SOBP: variants seen among roughly 807,000 people sequenced by gnomAD.
SOBP encodes the protein sine oculis-binding protein homolog.
A neutral mutation model predicts 53.6 loss-of-function variants in SOBP; 4 were observed. That is an observed-to-expected ratio of 0.07 (90% CI 0.04 to 0.17). The LOEUF (loss-of-function observed/expected upper bound fraction) is 0.17, where lower values mean the gene tolerates loss of function less well. Among genes scored for constraint, SOBP ranks in the 10% least tolerant of loss-of-function variants. The probability of loss-of-function intolerance (pLI) is 1.00; values close to 1 mark genes in which losing one functional copy is unlikely to be tolerated. For synonymous variants in SOBP, 584 were observed against 522.6 expected, an observed-to-expected ratio of 1.12 and a Z score of -1.60; for missense variants, 1,088 against 1,204.7, an observed-to-expected ratio of 0.90 and a Z score of 1.43.
rs1250302013 is a variant in SOBP, at chr6:107,634,734, C to T, written c.1890C>T (p.Pro630=). The change falls in exon 6 of 7, where the codon CCC becomes CCT. Residue 630 remains proline (P), a synonymous_variant. Coordinates refer to ENST00000317357, the MANE Select transcript of SOBP (RefSeq NM_018013.4). This position sits in a 1 kb window ranked among gnomAD's most constrained non-coding sequence, Gnocchi z 4.5. ...ACCTGACGCGGCGCGCCGGCAGCCC[C>T]CCGGGCCCCCCGGGCGCGGGCGGCC... ...VVDLTRRAGS[P]PGPPGAGGQL... 6.7e-6 allele frequency: 9 copies of T among 1,337,516 alleles called. No homozygotes were observed. The highest frequency in any genetic ancestry group is 7.6e-6 in the Non-Finnish European group (8 of 1,052,618). The allele number at this position is 1,337,516 out of a possible 1,614,324, so 82.9% of individuals were successfully genotyped here.
intron 5 of SOBP, among the ~76,000 whole-genome samples, chr6:107,600,172 T>C (rs1786125409): frequency 6.6e-6 from 1 of 152,256 alleles, no homozygotes; most frequent in Non-Finnish European, 1.5e-5. Context: ...GCTTTAGTTA[T>C]GCTTTCTAAA....
At chr6:107,533,271 C>CAAA (rs762864049) in intron 3 of SOBP, among the ~76,000 whole-genome samples, 188 bp from the exon 4 acceptor site, 421 of 32,756 alleles carry the variant, frequency 0.013, 19 homozygotes, top group Non-Finnish European at 0.019. Context: ...ACTTAGGAGC[C>CAAA]AAAAAAAAAA....
At chr6:107,503,556 C>G (rs1490076471) in intron 1 of SOBP, 101 bp from the exon 2 acceptor site, 38 of 1,297,940 alleles carry the variant, frequency 2.9e-5, no homozygotes, top group Non-Finnish European at 4.1e-5. Context: ...TGAGGCAGGG[C>G]TGCAAATAAA....
chr6:107,490,919 A>AG (rs917562978), intron 1 of SOBP, among the ~76,000 whole-genome samples: 1 of 152,002 alleles, frequency 6.6e-6, no homozygotes, highest in Non-Finnish European at 1.5e-5. Context: ...AGATTTGATG[A>AG]GGGGGGACCA....
At chr6:107,633,193 A>G (rs1166998421) in intron 5 of SOBP, among the ~76,000 whole-genome samples, 1 of 152,216 alleles carries the variant, frequency 6.6e-6, no homozygotes, top group East Asian at 1.9e-4. Flanking sequence ...ACAAGTGAAA[A>G]TGTGTGGGCA....
chr6:107,635,692 A>G lies in SOBP; in HGVS notation c.*3+223A>G, dbSNP rs530208038. ...ACAGCCGAGGAAACTGAGCCACAGC[A>G]TGTGAGTGCCAAGCCCCGGGTCACT... On this transcript the variant is annotated intron_variant, in intron 6 of 6. Coordinates refer to ENST00000317357, the MANE Select transcript of SOBP (RefSeq NM_018013.4). This position sits in a 1 kb window ranked among gnomAD's most constrained non-coding sequence, Gnocchi z 4.5. Among the ~76,000 whole-genome samples, 5 of 152,302 alleles carry G rather than the reference A, an allele frequency of 3.3e-5. No individual in the cohort carries two copies. Among genetic ancestry groups the G allele is most frequent in the Admixed American group, 1.3e-4 (2 of 15,306 alleles).
At chr6:107,582,323 G>A (rs983404408) in intron 4 of SOBP, among the ~76,000 whole-genome samples, 1 of 152,144 alleles carries the variant, frequency 6.6e-6, no homozygotes, top group Non-Finnish European at 1.5e-5. Flanking sequence ...TGTATTGTAA[G>A]AATCAAAATA....
chr6:107,586,295 C>A (rs1785564913), intron 4 of SOBP, among the ~76,000 whole-genome samples: 1 of 152,202 alleles, frequency 6.6e-6, no homozygotes, highest in African/African-American at 2.4e-5. Context: ...AAGTGTCACG[C>A]AAATGAATGG....
chr6:107,631,968 C>T (rs923297095), intron 5 of SOBP, among the ~76,000 whole-genome samples: 1 of 152,130 alleles, frequency 6.6e-6, no homozygotes, highest in African/African-American at 2.4e-5. Flanking sequence ...GCGTGTTCGC[C>T]CATGATCACA....
chr6:107,544,829 TCA>T (rs1189729554), intron 4 of SOBP, among the ~76,000 whole-genome samples: 1 of 152,166 alleles, frequency 6.6e-6, no homozygotes, highest in African/African-American at 2.4e-5. Flanking sequence ...ATTCATTCAT[TCA>T]TTCTACCAAT....
intron 4 of SOBP, among the ~76,000 whole-genome samples, chr6:107,560,926 G>C (rs1261997760): frequency 6.6e-6 from 1 of 152,142 alleles, no homozygotes. Flanking sequence ...AGAAATGTGT[G>C]CTTCCAGCTG....
Position 107,661,291 on chromosome 6 carries a change from AGAG to A in SOBP, c.*3089_*3091del, listed in dbSNP as rs1772284641. 6.6e-6 allele frequency among the ~76,000 whole-genome samples: 1 copy of A among 152,228 alleles called. No homozygotes were observed. The highest frequency in any genetic ancestry group is 1.5e-5 in the Non-Finnish European group (1 of 68,032). On this transcript the variant is annotated 3_prime_UTR_variant, in exon 7 of 7. Transcript: ENST00000317357. ...CTTGGGATATCAAAACCATATATAA[AGAG>A]AAATAGAAACAATAATGTATGTAAG...
At chr6:107,557,240 A>G (rs1437123946) in intron 4 of SOBP, among the ~76,000 whole-genome samples, 1 of 152,236 alleles carries the variant, frequency 6.6e-6, no homozygotes, top group African/African-American at 2.4e-5. Flanking sequence ...TTTGAAATCA[A>G]GATAAAAATG....
At chr6:107,516,703 C>A (rs1333720931) in intron 3 of SOBP, among the ~76,000 whole-genome samples, 1 of 152,036 alleles carries the variant, frequency 6.6e-6, no homozygotes, top group African/African-American at 2.4e-5. Context: ...ATCTGCAAAT[C>A]AATGATATCT....
In SOBP at chr6:107,490,574, C is replaced by T; in HGVS notation, c.-43C>T. 6.1e-6 allele frequency: 9 copies of T among 1,474,988 alleles called. No individual in the cohort carries two copies. Among genetic ancestry groups the T allele is most frequent in the Non-Finnish European group, 7.5e-6 (8 of 1,073,672 alleles). 91.4% of individuals were successfully genotyped at this position (1,474,988 alleles called of 1,614,324 possible). A position where few individuals can be genotyped will look rare whatever the true frequency, so the allele number is the denominator to read the frequency against. ...CCGCCGCCACCACCACCGCCGGCGG[C>T]GGCAGCAGCCATTTCATCTCCACAG... On this transcript the variant is annotated 5_prime_UTR_variant, in exon 1 of 7. Transcript: ENST00000317357.
At chr6:107,581,833 C>G (rs1785411804) in intron 4 of SOBP, among the ~76,000 whole-genome samples, 1 of 152,128 alleles carries the variant, frequency 6.6e-6, no homozygotes, top group Non-Finnish European at 1.5e-5. Context: ...CTCTCCAATT[C>G]TTCAACTATA....
chr6:107,634,689 T>C lies in SOBP; in HGVS notation c.1845T>C (p.His615=), dbSNP rs2115147219. 6.6e-7 allele frequency: 1 copy of C among 1,524,296 alleles called. No homozygotes were observed. The highest frequency in any genetic ancestry group is 1.4e-5 in the African/African-American group (1 of 71,546). 94.4% of individuals were successfully genotyped at this position (1,524,296 alleles called of 1,614,324 possible). A position where few individuals can be genotyped will look rare whatever the true frequency, so the allele number is the denominator to read the frequency against. ...GCCTGGCGCCCACGCCCGCCGAGCA[T>C]GGCCGGAGCGAGGTGGTGGACCTGA... The part of the protein sequence containing the change: ...ALSLAPTPAE[H]GRSEVVDLTR... The change falls in exon 6 of 7, where the codon CAT becomes CAC. Residue 615 remains histidine, a synonymous_variant. Coordinates refer to ENST00000317357, the MANE Select transcript of SOBP (RefSeq NM_018013.4). The surrounding 1 kb of genome is among the most constrained non-coding windows in gnomAD (Gnocchi z 4.5).
chr6:107,625,417 C>T (rs1770414076), intron 5 of SOBP, among the ~76,000 whole-genome samples: 1 of 152,150 alleles, frequency 6.6e-6, no homozygotes, highest in Admixed American at 6.5e-5. Flanking sequence ...TAGCCAGGTG[C>T]CTGGCAGAGC....
chr6:107,657,460 G>A (rs552809303), intron 6 of SOBP, among the ~76,000 whole-genome samples: 7 of 152,278 alleles, frequency 4.6e-5, no homozygotes, highest in South Asian at 2.1e-4. Context: ...ACCCACACAC[G>A]GAGAAAAGCA....
Sources: gnomAD v4.1 joint callset for allele counts (sites outside exome capture counted in the v4.1 genomes callset) on GRCh38, gnomAD v4.1.1 for gene constraint, Gnocchi (gnomAD v3.1) non-coding constraint, MANE v1.5 for transcripts, NCBI Gene and HGNC (gene_info 2026-07-23, HGNC 2026-07-21) for gene names.